Variants in RANBP2 observed in about 807,000 individuals in gnomAD.
RANBP2 encodes the protein RAN binding protein 2.
In RANBP2, 57 loss-of-function variants were observed where a neutral mutation model predicts 303.6. That is an observed-to-expected ratio of 0.19 (90% confidence interval 0.15 to 0.23). RANBP2 has a LOEUF of 0.23. Ranked by LOEUF, RANBP2 falls within the 10% of genes least tolerant of loss-of-function variation. RANBP2 has a pLI of 1.00. For missense variants in RANBP2, 3,138 were observed against 3,780.8 expected (o/e 0.83, Z 4.46); for synonymous variants, 1,167 against 1,301.5 (o/e 0.90, Z 2.23).
the RANBP2 span, among the ~76,000 whole-genome samples, chr2:108,939,480 G>A: frequency 1.3e-5 from 2 of 152,178 alleles, no homozygotes; most frequent in African/African-American, 4.8e-5. Flanking sequence ...ATTACCAGGT[G>A]GGGAGGTCAG....
the RANBP2 span, among the ~76,000 whole-genome samples, chr2:109,466,186 G>A: frequency 6.8e-6 from 1 of 146,806 alleles, no homozygotes; most frequent in South Asian, 2.2e-4. Flanking sequence ...AGGTTCAAGC[G>A]ATTCTCCTGC....
chr2:109,635,747 G>A, the RANBP2 span, among the ~76,000 whole-genome samples: 5 of 152,208 alleles, frequency 3.3e-5, no homozygotes, highest in Non-Finnish European at 5.9e-5. Flanking sequence ...GAATTCACTT[G>A]AAAAATATTA....
At chr2:108,798,821 A>ACACACG in the RANBP2 span, among the ~76,000 whole-genome samples, 45 of 118,878 alleles carry the variant, frequency 3.8e-4, no homozygotes, top group Non-Finnish European at 5.0e-4. Context: ...ACACCTACAC[A>ACACACG]CACACACACA....
chr2:109,373,614 G>A, the RANBP2 span, among the ~76,000 whole-genome samples: 1 of 152,260 alleles, frequency 6.6e-6, no homozygotes, highest in Non-Finnish European at 1.5e-5. Flanking sequence ...CCTCTGTTGT[G>A]ACAGAAGTCA....
the RANBP2 span, among the ~76,000 whole-genome samples, chr2:108,850,830 A>C: frequency 2.0e-5 from 3 of 151,824 alleles, no homozygotes; most frequent in African/African-American, 7.3e-5. Context: ...ACATGACAAT[A>C]ATCATCCACA....
the RANBP2 span, among the ~76,000 whole-genome samples, chr2:108,793,848 C>T: frequency 2.0e-5 from 3 of 151,870 alleles, no homozygotes; most frequent in Non-Finnish European, 4.4e-5. Flanking sequence ...ATGATCCGCC[C>T]GCCTCGGCCT....
At chr2:109,063,515 A>C in the RANBP2 span, among the ~76,000 whole-genome samples, 1 of 152,210 alleles carries the variant, frequency 6.6e-6, no homozygotes, top group African/African-American at 2.4e-5. Flanking sequence ...AGTCGGCCAG[A>C]AACACCTGCT....
chr2:108,723,707 T>A (rs1694469289), intron 1 of RANBP2, among the ~76,000 whole-genome samples: 1 of 152,246 alleles, frequency 6.6e-6, no homozygotes, highest in African/African-American at 2.4e-5. Context: ...TATATAAATA[T>A]AAGGTAAATA....
chr2:109,129,717 G>A, the RANBP2 span: 4 of 1,537,490 alleles, frequency 2.6e-6, no homozygotes, highest in Non-Finnish European at 3.5e-6. Context: ...AGTGCTCCGT[G>A]TGTCTGGAGC....
In RANBP2 at chr2:108,719,496, C is replaced by T. The variant is rs1441291693; in HGVS notation, c.-111C>T. Reference sequence around the variant, plus strand: ...GCAAGTTCGTCACAGTGGTCCTCCGCCGGCTACGGCGCTGCGTCACTGGTT... The same window carrying T: ...GCAAGTTCGTCACAGTGGTCCTCCGTCGGCTACGGCGCTGCGTCACTGGTT... On this transcript the variant is annotated 5_prime_UTR_variant, in exon 1 of 29. Coordinates refer to ENST00000283195, the MANE Select transcript of RANBP2 (RefSeq NM_006267.5). 6.6e-7 allele frequency: 1 copy of T among 1,516,020 alleles called. No homozygotes were observed. The highest frequency in any genetic ancestry group is 1.4e-5 in the African/African-American group (1 of 72,028). The allele number at this position is 1,516,020 out of a possible 1,614,324, so 93.9% of individuals were successfully genotyped here. A position where few individuals can be genotyped will look rare whatever the true frequency, so the allele number is the denominator to read the frequency against.
the RANBP2 span, among the ~76,000 whole-genome samples, chr2:109,581,179 C>T: frequency 3.9e-5 from 6 of 152,168 alleles, no homozygotes; most frequent in African/African-American, 7.2e-5. Context: ...GTGGCTCACG[C>T]CTGTAATCCC....
At chr2:109,190,453 C>T in the RANBP2 span, among the ~76,000 whole-genome samples, 2 of 152,212 alleles carry the variant, frequency 1.3e-5, no homozygotes. Context: ...GGGTTATAGG[C>T]GTGAGCCACT....
At chr2:109,624,016 T>C in the RANBP2 span, among the ~76,000 whole-genome samples, 1 of 152,198 alleles carries the variant, frequency 6.6e-6, no homozygotes, top group Non-Finnish European at 1.5e-5. Flanking sequence ...TTCTGTGCAC[T>C]GCACAGCTTG....
At chr2:108,776,189 G>GT (rs950312121) in intron 24 of RANBP2, among the ~76,000 whole-genome samples, 4 of 152,070 alleles carry the variant, frequency 2.6e-5, no homozygotes, top group Admixed American at 1.3e-4. Context: ...ATTTTCCTGA[G>GT]TTTAAAAGAC....
the RANBP2 span, among the ~76,000 whole-genome samples, chr2:108,938,499 G>A: frequency 1.3e-5 from 2 of 152,162 alleles, no homozygotes; most frequent in Non-Finnish European, 2.9e-5. Context: ...CGAAAATAAC[G>A]TGGCTTGCAA....
the RANBP2 span, among the ~76,000 whole-genome samples, chr2:108,866,525 G>A: frequency 2.0e-5 from 3 of 152,116 alleles, no homozygotes; most frequent in Non-Finnish European, 4.4e-5. Context: ...CCATGTACAG[G>A]TACAAGCATT....
chr2:109,018,671 C>G, the RANBP2 span, among the ~76,000 whole-genome samples: 136 of 152,346 alleles, frequency 8.9e-4, 1 homozygote, highest in Admixed American at 1.4e-3. Flanking sequence ...CGTCCTTTCC[C>G]TGTGTCTGGA....
the RANBP2 span, among the ~76,000 whole-genome samples, chr2:108,815,363 TAAG>T: frequency 6.6e-6 from 1 of 151,928 alleles, no homozygotes; most frequent in Non-Finnish European, 1.5e-5. Context: ...CTTTTAGTAA[TAAG>T]GTACAGTTAT....
At chr2:108,911,212 G>A in the RANBP2 span, 1 of 1,065,952 alleles carries the variant, frequency 9.4e-7, no homozygotes, top group Non-Finnish European at 1.4e-6. Flanking sequence ...TGCTTGCTTA[G>A]ACTGAGAACC....
Sources: allele counts gnomAD v4.1 joint callset (sites outside exome capture counted in the v4.1 genomes callset), GRCh38; gene constraint gnomAD v4.1.1; transcripts MANE v1.5; gene names NCBI Gene and HGNC (gene_info 2026-07-23, HGNC 2026-07-21).